NRG3: variants seen among roughly 807,000 people sequenced by gnomAD.
The protein encoded by NRG3 is pro-neuregulin-3, membrane-bound isoform.
NRG3 carries 31 observed loss-of-function variants against 66.9 expected under a neutral mutation model. That is an observed-to-expected ratio of 0.46 (90% CI 0.35 to 0.63). NRG3 has a LOEUF of 0.63. NRG3 is among the 20% of genes least tolerant of loss of function. The pLI is 0.00. For synonymous variants in NRG3, 393 were observed against 359.4 expected, an observed-to-expected ratio of 1.09 and a Z score of -1.06; for missense variants, 910 against 878.9, an observed-to-expected ratio of 1.04 and a Z score of -0.45.
chr10:82,639,629 C>CT (rs2050429693), intron 2 of NRG3, among the ~76,000 whole-genome samples: 2 of 152,104 alleles, frequency 1.3e-5, no homozygotes, highest in Admixed American at 6.6e-5. Flanking sequence ...AGAAGTTAGA[C>CT]TTTTTTAAAA....
intron 1 of NRG3, among the ~76,000 whole-genome samples, chr10:82,246,136 A>C (rs566551524): frequency 1.3e-5 from 2 of 152,042 alleles, no homozygotes; most frequent in Non-Finnish European, 2.9e-5. Flanking sequence ...CAGTTTTCGC[A>C]TGTAACTACT....
intron 1 of NRG3, among the ~76,000 whole-genome samples, chr10:82,239,222 A>G (rs1019689731): frequency 6.6e-6 from 1 of 152,136 alleles, no homozygotes; most frequent in Non-Finnish European, 1.5e-5. Context: ...GCATATATAC[A>G]TGTATACACA....
intron 2 of NRG3, among the ~76,000 whole-genome samples, chr10:82,359,743 G>A (rs144139551): frequency 2.6e-3 from 391 of 151,868 alleles, no homozygotes; most frequent in African/African-American, 8.6e-3. Flanking sequence ...TACTCTTCTC[G>A]TATGACACAG....
chr10:82,717,968 G>A (rs953902969), intron 2 of NRG3, among the ~76,000 whole-genome samples: 7 of 151,776 alleles, frequency 4.6e-5, no homozygotes, highest in Non-Finnish European at 8.8e-5. Flanking sequence ...ATCAGCTGTG[G>A]GATAATAACC....
chr10:81,908,652 A>C (rs770129412), intron 1 of NRG3, among the ~76,000 whole-genome samples: 18 of 152,150 alleles, frequency 1.2e-4, no homozygotes, highest in Non-Finnish European at 1.2e-4. Flanking sequence ...GTTCCTCTCT[A>C]TGTGGGAATG....
intron 1 of NRG3, among the ~76,000 whole-genome samples, chr10:82,257,487 AGGCCGAGCGTGGT>A (rs2077793562): frequency 6.6e-6 from 1 of 152,190 alleles, no homozygotes; most frequent in African/African-American, 2.4e-5. Context: ...TAAGAATTCT[AGGCCGAGCGTGGT>A]GGCTCATGCC....
intron 3 of NRG3, among the ~76,000 whole-genome samples, chr10:82,804,217 C>T (rs2061178086): frequency 6.6e-6 from 1 of 152,130 alleles, no homozygotes; most frequent in African/African-American, 2.4e-5. Flanking sequence ...AAAGGTGAAA[C>T]TTCTGGACTT....
At chr10:81,990,797 A>G (rs139929520) in intron 1 of NRG3, among the ~76,000 whole-genome samples, 1 of 152,254 alleles carries the variant, frequency 6.6e-6, no homozygotes, top group East Asian at 1.9e-4. Context: ...GTAGAACTTA[A>G]TTGAATTATA....
chr10:82,121,516 C>G (rs1001620842), intron 1 of NRG3, among the ~76,000 whole-genome samples: 1 of 152,172 alleles, frequency 6.6e-6, no homozygotes, highest in African/African-American at 2.4e-5. Flanking sequence ...ACACTCACTG[C>G]TTTCCTCATT....
chr10:81,990,171 C>T (rs1424772111), intron 1 of NRG3, among the ~76,000 whole-genome samples: 1 of 152,098 alleles, frequency 6.6e-6, no homozygotes, highest in African/African-American at 2.4e-5. Flanking sequence ...ATCTGTAAAA[C>T]GGTGGAGTAG....
At chr10:82,698,380 C>T (rs143495464) in intron 2 of NRG3, among the ~76,000 whole-genome samples, 6 of 152,190 alleles carry the variant, frequency 3.9e-5, no homozygotes, top group African/African-American at 1.4e-4. Flanking sequence ...ATGAGTACCC[C>T]ACCTTGGAAT....
chr10:82,252,477 C>A (rs2077528544), intron 1 of NRG3, among the ~76,000 whole-genome samples: 1 of 152,112 alleles, frequency 6.6e-6, no homozygotes, highest in South Asian at 2.1e-4. Flanking sequence ...ATGCCTACTT[C>A]TATGTGATTC....
At chr10:82,158,100 A>C (rs975032397) in intron 1 of NRG3, among the ~76,000 whole-genome samples, 3 of 151,672 alleles carry the variant, frequency 2.0e-5, no homozygotes, top group African/African-American at 7.2e-5. Flanking sequence ...ATTTAATAGA[A>C]AGGGGATATT....
chr10:82,891,573 C>T lies in NRG3; in HGVS notation c.1054+26136C>T, dbSNP rs1843148998. Among the ~76,000 whole-genome samples the T allele has an allele frequency of 2.0e-5, 3 of 151,806 alleles. No homozygotes were observed. In the South Asian group the frequency reaches 6.2e-4, roughly 31 times the overall value. ...GTAGATGATATGAATTTTTAAATTT[C>T]ATTTTATGCTCATTATCGTTACAGA... On this transcript the variant is annotated intron_variant, in intron 4 of 8. Transcript: ENST00000372141.
intron 1 of NRG3, among the ~76,000 whole-genome samples, chr10:81,884,866 G>A (rs757474236): frequency 6.6e-6 from 1 of 152,202 alleles, no homozygotes; most frequent in East Asian, 1.9e-4. Flanking sequence ...ACCACAGTCA[G>A]GGTACTAAAC....
At chr10:82,959,745 A>T (rs1347192567) in intron 6 of NRG3, among the ~76,000 whole-genome samples, 1 of 152,220 alleles carries the variant, frequency 6.6e-6, no homozygotes, top group Non-Finnish European at 1.5e-5. Context: ...GTGGAGTTTC[A>T]TAATCAATCC....
intron 1 of NRG3, among the ~76,000 whole-genome samples, chr10:81,892,603 T>C (rs2132571361): frequency 6.6e-6 from 1 of 152,226 alleles, no homozygotes; most frequent in Middle Eastern, 3.4e-3. Context: ...TGTGGCTCCA[T>C]CTTTCACATT....
intron 2 of NRG3, among the ~76,000 whole-genome samples, chr10:82,635,869 T>C (rs597803): frequency 0.7 from 106,332 of 151,838 alleles, 37,338 homozygotes; most frequent in Middle Eastern, 0.8. Flanking sequence ...GGAGCCCAAG[T>C]GAGAGGAAAA....
At chr10:82,000,882 A>G (rs185242627) in intron 1 of NRG3, among the ~76,000 whole-genome samples, 2 of 152,296 alleles carry the variant, frequency 1.3e-5, no homozygotes, top group Admixed American at 1.3e-4. Flanking sequence ...TGCCAGAACA[A>G]AGTTGCTATT....
Sources: allele counts gnomAD v4.1 joint callset (sites outside exome capture counted in the v4.1 genomes callset), GRCh38; gene constraint gnomAD v4.1.1; transcripts MANE v1.5; gene names NCBI Gene and HGNC (gene_info 2026-07-23, HGNC 2026-07-21).